The following XKR4 variants were observed in gnomAD, a reference collection of about 807,000 sequenced individuals.
XKR4 encodes the protein XK-related protein 4.
In XKR4, 12 loss-of-function variants were observed where a neutral mutation model predicts 53.9. The ratio of observed to expected loss-of-function variants is 0.22; its 90% CI spans 0.14 to 0.36. XKR4 has a LOEUF of 0.36. Among genes scored for constraint, XKR4 ranks in the 10% least tolerant of loss-of-function variants. The pLI is 1.00. For synonymous variants in XKR4, 354 were observed against 362.4 expected (o/e 0.98, Z 0.26); for missense variants, 799 against 859.5 (o/e 0.93, Z 0.88).
intron 1 of XKR4, among the ~76,000 whole-genome samples, chr8:55,288,633 T>C (rs1563316077): frequency 6.6e-6 from 1 of 152,248 alleles, no homozygotes; most frequent in South Asian, 2.1e-4. Context: ...CATATTTATC[T>C]ATTGTATTTT....
In XKR4 at chr8:55,339,956, C is replaced by T. The variant is rs572606395; in HGVS notation, c.807-17722C>T. ...TATGACCTGAAAAAGAAAATCAAGT[C>T]TTATTGTCCACTGGTGTTGCTAAAT... On this transcript the variant is annotated intron_variant, in intron 1 of 2. Transcript: ENST00000327381. Among the ~76,000 whole-genome samples, 47 of 152,260 alleles carry T rather than the reference C, an allele frequency of 3.1e-4. No homozygotes were observed. In the South Asian group the frequency reaches 4.8e-3, roughly 15 times the overall value.
At chr8:55,465,811 C>G (rs1488050797) in intron 2 of XKR4, among the ~76,000 whole-genome samples, 5 of 152,060 alleles carry the variant, frequency 3.3e-5, no homozygotes, top group Admixed American at 6.5e-5. Flanking sequence ...ACAACCCCAT[C>G]AAAAAGTGGG....
chr8:55,286,321 A>T (rs546658157), intron 1 of XKR4, among the ~76,000 whole-genome samples: 2 of 152,210 alleles, frequency 1.3e-5, no homozygotes, highest in Non-Finnish European at 2.9e-5. Context: ...GGGAAGAGAG[A>T]AGAGGCAACC....
chr8:55,208,572 T>C (rs1328204897), intron 1 of XKR4, among the ~76,000 whole-genome samples: 1 of 152,108 alleles, frequency 6.6e-6, no homozygotes, highest in Non-Finnish European at 1.5e-5. Context: ...GTTCAAGTGA[T>C]TCTCCTGCCT....
intron 1 of XKR4, among the ~76,000 whole-genome samples, chr8:55,289,570 A>AAGGAAG (rs1563316339): frequency 1.9e-5 from 2 of 106,092 alleles, no homozygotes; most frequent in African/African-American, 7.1e-5. Context: ...GGAAGGAAGG[A>AAGGAAG]GAGAGAAAGG....
chr8:55,462,601 C>T (rs1462843220), intron 2 of XKR4, among the ~76,000 whole-genome samples: 3 of 152,202 alleles, frequency 2.0e-5, no homozygotes, highest in Admixed American at 6.5e-5. Flanking sequence ...ATCATAATGA[C>T]GGGATCAAAT....
intron 1 of XKR4, among the ~76,000 whole-genome samples, chr8:55,163,595 C>T (rs1761747005): frequency 6.6e-6 from 1 of 152,162 alleles, no homozygotes; most frequent in Non-Finnish European, 1.5e-5. Context: ...CCTGTAATCC[C>T]AGCACTTTGG....
chr8:55,208,136 A>G (rs1030036640), intron 1 of XKR4, among the ~76,000 whole-genome samples: 7 of 152,222 alleles, frequency 4.6e-5, no homozygotes, highest in Admixed American at 4.6e-4. Flanking sequence ...AATAATTAAC[A>G]TATTCTTCAT....
rs769593632 is a variant in XKR4, at chr8:55,102,610, G to C, written c.122G>C (p.Gly41Ala). Residue 41 changes from glycine to alanine, a missense_variant, in exon 1 of 3, where the codon GGG becomes GCG. By Grantham distance (60) the Gly-to-Ala change is moderately conservative. Transcript: ENST00000327381. This position sits in a 1 kb window ranked among gnomAD's most constrained non-coding sequence, Gnocchi z 5.1. ...GGATTGGCTCCAGGCTTGCCGTCGGGGTCGGGAGCCGAGGACGAGGAGGCG... is the reference window on the plus strand; with the variant it reads ...GGATTGGCTCCAGGCTTGCCGTCGGCGTCGGGAGCCGAGGACGAGGAGGCG... Reference protein sequence around the residue: ...VQGLAPGLPSGSGAEDEEAAG... With the variant: ...VQGLAPGLPSASGAEDEEAAG... 29 of 1,443,398 alleles carry C rather than the reference G, an allele frequency of 2.0e-5. No homozygotes were observed. The highest frequency in any genetic ancestry group is 2.6e-5 in the Non-Finnish European group (28 of 1,085,648). 89.4% of individuals were successfully genotyped at this position (1,443,398 alleles called of 1,614,324 possible). A position where few individuals can be genotyped will look rare whatever the true frequency, so the allele number is the denominator to read the frequency against.
intron 2 of XKR4, among the ~76,000 whole-genome samples, chr8:55,416,771 A>G (rs1260835847): frequency 6.6e-6 from 1 of 152,088 alleles, no homozygotes. Flanking sequence ...CCAGAAATGT[A>G]TTTTACCTGA....
chr8:55,513,820 G>C (rs952173530), intron 2 of XKR4, among the ~76,000 whole-genome samples: 1 of 152,196 alleles, frequency 6.6e-6, no homozygotes, highest in Non-Finnish European at 1.5e-5. Context: ...ATGTTTCCAT[G>C]CATATAGGAA....
At chr8:55,294,661 C>T (rs886334731) in intron 1 of XKR4, among the ~76,000 whole-genome samples, 1 of 152,204 alleles carries the variant, frequency 6.6e-6, no homozygotes, top group Admixed American at 6.5e-5. Context: ...TCCTTACTCC[C>T]TCACTGTCTC....
chr8:55,460,276 G>T (rs1255526207), intron 2 of XKR4, among the ~76,000 whole-genome samples: 1 of 152,202 alleles, frequency 6.6e-6, no homozygotes, highest in Non-Finnish European at 1.5e-5. Flanking sequence ...AATGGGATGG[G>T]AGTGAGAATT....
At chr8:55,297,536 T>C (rs1156915954) in intron 1 of XKR4, among the ~76,000 whole-genome samples, 1 of 152,170 alleles carries the variant, frequency 6.6e-6, no homozygotes, top group Non-Finnish European at 1.5e-5. Flanking sequence ...AATCTGGCCA[T>C]GACCTACTGA....
chr8:55,307,907 C>T (rs1819327753), intron 1 of XKR4, among the ~76,000 whole-genome samples: 2 of 152,160 alleles, frequency 1.3e-5, no homozygotes, highest in African/African-American at 4.8e-5. Context: ...TGTTATAAAA[C>T]TAAACTAAAT....
intron 1 of XKR4, among the ~76,000 whole-genome samples, chr8:55,209,084 T>A (rs2129363413): frequency 6.6e-6 from 1 of 152,346 alleles, no homozygotes; most frequent in South Asian, 2.1e-4. Context: ...CAACCAGGTT[T>A]GCGCTGAATA....
chr8:55,323,356 C>A (rs1030492934), intron 1 of XKR4, among the ~76,000 whole-genome samples: 1 of 152,190 alleles, frequency 6.6e-6, no homozygotes, highest in South Asian at 2.1e-4. Flanking sequence ...TCAATCCTAA[C>A]CCCAACTCTT....
At chr8:55,109,681 G>A (rs937848132) in intron 1 of XKR4, among the ~76,000 whole-genome samples, 5 of 152,148 alleles carry the variant, frequency 3.3e-5, no homozygotes, top group African/African-American at 1.2e-4. Flanking sequence ...CTTGAACTAT[G>A]AAGTGTTTAC....
chr8:55,306,909 G>A (rs958793236), intron 1 of XKR4, among the ~76,000 whole-genome samples: 2 of 150,858 alleles, frequency 1.3e-5, no homozygotes, highest in Non-Finnish European at 2.9e-5. Flanking sequence ...ACTATTTAAG[G>A]TGTGAGAGCA....
Sources: allele counts gnomAD v4.1 joint callset (sites outside exome capture counted in the v4.1 genomes callset), GRCh38; gene constraint gnomAD v4.1.1; non-coding constraint Gnocchi (gnomAD v3.1); transcripts MANE v1.5; gene names NCBI Gene and HGNC (gene_info 2026-07-23, HGNC 2026-07-21).